Variants in NCAM2 observed in about 807,000 individuals in gnomAD.
The protein encoded by NCAM2 is N-CAM-2.
A neutral mutation model predicts 98.1 loss-of-function variants in NCAM2; 30 were observed. That is an observed-to-expected ratio of 0.31 (90% CI 0.23 to 0.41). The LOEUF (loss-of-function observed/expected upper bound fraction) is 0.41. Among genes scored for constraint, NCAM2 ranks in the 10% least tolerant of loss-of-function variants. NCAM2 has a pLI of 1.00. For synonymous variants in NCAM2, 368 were observed against 342.4 expected (o/e 1.07, Z -0.83); for missense variants, 867 against 1,005.8 (o/e 0.86, Z 1.87).
intron 16 of NCAM2, among the ~76,000 whole-genome samples, chr21:21,515,508 A>AT: frequency 6.6e-6 from 1 of 151,270 alleles, no homozygotes; most frequent in South Asian, 2.1e-4. Context: ...AAACATAATT[A>AT]TTTTTATTTT....
chr21:21,079,513 G>A (rs1194695214), intron 1 of NCAM2, among the ~76,000 whole-genome samples: 1 of 152,132 alleles, frequency 6.6e-6, no homozygotes, highest in Non-Finnish European at 1.5e-5. Flanking sequence ...ATGTATTACA[G>A]TAATTGGTAA....
intron 5 of NCAM2, among the ~76,000 whole-genome samples, chr21:21,306,127 T>C (rs1397665459): frequency 1.3e-5 from 2 of 152,142 alleles, no homozygotes; most frequent in African/African-American, 4.8e-5. Flanking sequence ...AGATCAAGTA[T>C]ATTCCTGATG....
intron 1 of NCAM2, among the ~76,000 whole-genome samples, chr21:21,231,549 T>G (rs2070627427): frequency 6.6e-6 from 1 of 151,444 alleles, no homozygotes; most frequent in Non-Finnish European, 1.5e-5. Flanking sequence ...TAAACTATGT[T>G]TCAAGGACAG....
chr21:21,039,102 A>G (rs2064853298), intron 1 of NCAM2, among the ~76,000 whole-genome samples: 1 of 152,192 alleles, frequency 6.6e-6, no homozygotes, highest in Non-Finnish European at 1.5e-5. Flanking sequence ...TAGTTAATTA[A>G]GAAAGTACAT....
intron 8 of NCAM2, among the ~76,000 whole-genome samples, chr21:21,345,345 A>C (rs970466686): frequency 2.8e-4 from 43 of 152,128 alleles, no homozygotes; most frequent in African/African-American, 9.4e-4. Flanking sequence ...AGAATTCAAA[A>C]TAGTTGTGTT....
intron 14 of NCAM2, among the ~76,000 whole-genome samples, chr21:21,469,615 A>C (rs1038108120): frequency 2.6e-5 from 4 of 152,088 alleles, no homozygotes; most frequent in African/African-American, 9.6e-5. Flanking sequence ...ATCATGTTTA[A>C]AATAATTACT....
intron 1 of NCAM2, among the ~76,000 whole-genome samples, chr21:21,224,413 T>G (rs1472998492): frequency 6.6e-6 from 1 of 152,170 alleles, no homozygotes; most frequent in African/African-American, 2.4e-5. Flanking sequence ...TAGATACTAT[T>G]CTTTTATCTA....
intron 15 of NCAM2, among the ~76,000 whole-genome samples, chr21:21,503,114 T>G (rs770006105): frequency 7.2e-5 from 11 of 151,988 alleles, no homozygotes; most frequent in Non-Finnish European, 1.0e-4. Flanking sequence ...CATACAATAG[T>G]CCCTGCTTTA....
At chr21:21,311,345 T>A (rs1336983587) in intron 5 of NCAM2, among the ~76,000 whole-genome samples, 3 of 146,496 alleles carry the variant, frequency 2.0e-5, no homozygotes, top group African/African-American at 7.6e-5. Flanking sequence ...ATTTTTTTTT[T>A]TTTTTTTTTT....
At chr21:21,250,125 T>C (rs1282007813) in intron 1 of NCAM2, among the ~76,000 whole-genome samples, 1 of 152,152 alleles carries the variant, frequency 6.6e-6, no homozygotes, top group Admixed American at 6.5e-5. Context: ...AATGGACAGG[T>C]CAACATAAGG....
intron 1 of NCAM2, among the ~76,000 whole-genome samples, chr21:21,253,050 A>G (rs895042674): frequency 3.3e-5 from 5 of 151,904 alleles, no homozygotes; most frequent in Admixed American, 1.3e-4. Flanking sequence ...CTTTTCTCTG[A>G]TCTTGATTTC....
chr21:21,073,946 A>G (rs1186253729), intron 1 of NCAM2, among the ~76,000 whole-genome samples: 2 of 152,204 alleles, frequency 1.3e-5, no homozygotes, highest in Admixed American at 6.5e-5. Context: ...CAGAGGGTCA[A>G]AAACTTTTCT....
Position 21,538,691 on chromosome 21 carries a change from A to T in NCAM2, c.*734A>T, listed in dbSNP as rs1041106750. The T allele has an allele frequency of 1.3e-5, 2 of 152,168 alleles. No individual in the cohort carries two copies. Among genetic ancestry groups the T allele is most frequent in the African/African-American group, 2.4e-5 (1 of 41,462 alleles). 9.4% of individuals were successfully genotyped at this position (152,168 alleles called of 1,614,324 possible). A position where few individuals can be genotyped will look rare whatever the true frequency, so the allele number is the denominator to read the frequency against. On this transcript the variant is annotated 3_prime_UTR_variant, in exon 18 of 18. Transcript: ENST00000400546. ...ATGTCCTATTCATTCACAATGGATT[A>T]TACAAAAAAAAGTGTATTGCAAGTG...
chr21:21,338,324 G>A (rs985991668), intron 7 of NCAM2, 65 bp from the exon 8 acceptor site: 3 of 1,460,506 alleles, frequency 2.1e-6, no homozygotes, highest in African/African-American at 2.8e-5. Context: ...CACCCATCAT[G>A]ACTTTTGTCT....
chr21:21,061,112 C>T (rs572903265), intron 1 of NCAM2, among the ~76,000 whole-genome samples: 4 of 152,148 alleles, frequency 2.6e-5, no homozygotes, highest in South Asian at 2.1e-4. Flanking sequence ...CAATTTATAG[C>T]AGTGAAAACA....
At chr21:21,048,075 C>G (rs1264242358) in intron 1 of NCAM2, among the ~76,000 whole-genome samples, 2 of 152,194 alleles carry the variant, frequency 1.3e-5, no homozygotes, top group African/African-American at 4.8e-5. Flanking sequence ...TCCTTCTTTC[C>G]TTTCCAAATC....
intron 1 of NCAM2, among the ~76,000 whole-genome samples, chr21:21,198,330 T>C (rs1337542815): frequency 1.3e-5 from 2 of 152,102 alleles, no homozygotes; most frequent in African/African-American, 2.4e-5. Flanking sequence ...GTTTCTTTTT[T>C]CCATTTACTT....
At chr21:21,527,840 T>G (rs6518107) in intron 16 of NCAM2, among the ~76,000 whole-genome samples, 50,016 of 152,100 alleles carry the variant, frequency 0.33, 9,098 homozygotes, top group African/African-American at 0.47. Context: ...TTATTTGAGC[T>G]CCTTAGTATT....
intron 8 of NCAM2, among the ~76,000 whole-genome samples, chr21:21,357,850 A>T (rs1447896944): frequency 6.6e-6 from 1 of 152,168 alleles, no homozygotes; most frequent in Non-Finnish European, 1.5e-5. Context: ...TAAGTTTAAT[A>T]TAAAAATCAA....
Sources: allele counts gnomAD v4.1 joint callset (sites outside exome capture counted in the v4.1 genomes callset), GRCh38; gene constraint gnomAD v4.1.1; transcripts MANE v1.5; gene names NCBI Gene and HGNC (gene_info 2026-07-23, HGNC 2026-07-21).